Variants in CACNA1E observed in about 807,000 individuals in gnomAD.
CACNA1E encodes voltage-dependent R-type calcium channel subunit alpha-1E.
In CACNA1E, 40 loss-of-function variants were observed where a neutral mutation model predicts 259.2. That is an observed-to-expected ratio of 0.15 (90% confidence interval 0.12 to 0.20). The LOEUF is 0.20. Among genes scored for constraint, CACNA1E ranks in the 10% least tolerant of loss-of-function variants. The pLI is 1.00. For synonymous variants in CACNA1E, 1,104 were observed against 1,138.5 expected, an observed-to-expected ratio of 0.97 and a Z score of 0.61; for missense variants, 1,874 against 3,040.1, an observed-to-expected ratio of 0.62 and a Z score of 9.02.
chr1:181,730,520 G>A (rs887290940), intron 18 of CACNA1E, among the ~76,000 whole-genome samples: 1 of 152,234 alleles, frequency 6.6e-6, no homozygotes, highest in Non-Finnish European at 1.5e-5. Context: ...ACTCTGCTCT[G>A]CCCAGGTGAA....
chr1:181,351,189 G>T (rs769629274), intron 1 of CACNA1E, among the ~76,000 whole-genome samples: 1 of 152,218 alleles, frequency 6.6e-6, no homozygotes, highest in Non-Finnish European at 1.5e-5. Context: ...AGGACGGGTA[G>T]GTCTGAGCTC....
At chr1:181,350,239 C>T (rs989750547) in intron 1 of CACNA1E, among the ~76,000 whole-genome samples, 1 of 152,228 alleles carries the variant, frequency 6.6e-6, no homozygotes, top group Non-Finnish European at 1.5e-5. Context: ...TTCTTCTTCT[C>T]TTGATCTGTC....
rs573187265 is a variant in CACNA1E at position 181,771,261 on chromosome 1, G to A, written c.4882-32G>A. 5 of 1,233,518 alleles carry A rather than the reference G, an allele frequency of 4.1e-6. No individual in the cohort carries two copies. In the African/African-American group the frequency reaches 6.0e-5, roughly 15 times the overall value. 76.4% of individuals were successfully genotyped at this position (1,233,518 alleles called of 1,614,324 possible). The stretch of plus-strand genomic sequence containing the variant: ...TGGACACATCACACAGCTTGGTAAT[G>A]CTCACTGTTTTCTGTTGTTTCTCTC... On this transcript the variant is annotated intron_variant, in intron 35 of 47. Transcript: ENST00000367573.
At chr1:181,751,018 G>C (rs1020144651) in intron 26 of CACNA1E, among the ~76,000 whole-genome samples, 1 of 152,100 alleles carries the variant, frequency 6.6e-6, no homozygotes, top group Non-Finnish European at 1.5e-5. Context: ...GAAGGTCAGG[G>C]GGAAAGCAGC....
chr1:181,471,120 A>G (rs1402242448), intron 2 of CACNA1E, among the ~76,000 whole-genome samples: 1 of 152,176 alleles, frequency 6.6e-6, no homozygotes, highest in African/African-American at 2.4e-5. Flanking sequence ...GCTGATGGAC[A>G]AAAAGGGCCT....
Position 181,798,699 on chromosome 1 carries a change from C to T in CACNA1E, c.6807C>T (p.Ala2269=). The T allele has an allele frequency of 6.2e-7, 1 of 1,609,374 alleles. No individual in the cohort carries two copies. Among genetic ancestry groups the T allele is most frequent in the Middle Eastern group, 1.7e-4 (1 of 6,054 alleles). Residue 2269 remains alanine (A), a synonymous_variant, in exon 48 of 48, where the codon GCC becomes GCT. Transcript: ENST00000367573. This position sits in a 1 kb window ranked among gnomAD's most constrained non-coding sequence, Gnocchi z 4.2. ...SLGRSNTIGS[A]PPLRHSWQMP... Reference sequence around the variant, plus strand: ...GCCGTTCCAACACCATCGGCTCAGCCCCACCCCTGCGGCATAGCTGGCAGA... The same window carrying T: ...GCCGTTCCAACACCATCGGCTCAGCTCCACCCCTGCGGCATAGCTGGCAGA...
At chr1:181,405,250 A>C (rs1657381346) in intron 1 of CACNA1E, among the ~76,000 whole-genome samples, 1 of 152,252 alleles carries the variant, frequency 6.6e-6, no homozygotes. Flanking sequence ...GGAGATCCCC[A>C]GTGCTACTGG....
chr1:181,717,339 T>A (rs1355485284), intron 11 of CACNA1E, 37 bp downstream of exon 11: 2 of 1,541,250 alleles, frequency 1.3e-6, no homozygotes, highest in East Asian at 4.5e-5. Context: ...CCTCTGCTGG[T>A]CCCCATGTGG....
At chr1:181,736,764 A>G (rs932511474) in intron 22 of CACNA1E, among the ~76,000 whole-genome samples, 13 of 152,208 alleles carry the variant, frequency 8.5e-5, no homozygotes, top group Non-Finnish European at 1.3e-4. Context: ...TTTGCCACCA[A>G]ATATTCCAGA....
chr1:181,615,344 C>T (rs552133564), intron 6 of CACNA1E, among the ~76,000 whole-genome samples: 1 of 152,260 alleles, frequency 6.6e-6, no homozygotes, highest in South Asian at 2.1e-4. Context: ...CACCTGCCAC[C>T]ACGCCTGGCT....
chr1:181,341,298 G>A (rs1166541880), intron 1 of CACNA1E, among the ~76,000 whole-genome samples: 1 of 152,212 alleles, frequency 6.6e-6, no homozygotes, highest in Non-Finnish European at 1.5e-5. Context: ...TCTGGTGCTG[G>A]CTTCTGCTGC....
At chr1:181,755,533 A>G (rs1658015069) in intron 28 of CACNA1E, 136 bp downstream of exon 28, 1 of 730,444 alleles carries the variant, frequency 1.4e-6, no homozygotes, top group Non-Finnish European at 2.3e-6. Flanking sequence ...GACAAAATGG[A>G]ATCAATAAAC....
At chr1:181,416,119 A>G (rs1427544871) in intron 2 of CACNA1E, among the ~76,000 whole-genome samples, 1 of 152,112 alleles carries the variant, frequency 6.6e-6, no homozygotes, top group Non-Finnish European at 1.5e-5. Context: ...AAGTCCTTGG[A>G]CATGCTCAGT....
At chr1:181,726,616 C>G (rs1654928894) in intron 18 of CACNA1E, among the ~76,000 whole-genome samples, 1 of 152,156 alleles carries the variant, frequency 6.6e-6, no homozygotes, top group South Asian at 2.1e-4. Context: ...GGGCAGGGGC[C>G]AACTCGGAGG....
chr1:181,443,422 T>C (rs1477048439), intron 2 of CACNA1E, among the ~76,000 whole-genome samples: 1 of 152,214 alleles, frequency 6.6e-6, no homozygotes, highest in East Asian at 1.9e-4. Flanking sequence ...CGATAAGAGA[T>C]CAGAAAATGT....
intron 6 of CACNA1E, among the ~76,000 whole-genome samples, chr1:181,589,605 G>T (rs943706441): frequency 6.6e-6 from 1 of 152,156 alleles, no homozygotes; most frequent in Non-Finnish European, 1.5e-5. Flanking sequence ...TGTAGTCCCA[G>T]CTACCTGGAA....
intron 1 of CACNA1E, among the ~76,000 whole-genome samples, chr1:181,379,098 C>T (rs532175921): frequency 3.0e-4 from 45 of 152,056 alleles, no homozygotes; most frequent in East Asian, 1.4e-3. Context: ...GTATTAAATA[C>T]GTTCAAAAAG....
At position 181,798,865 on chromosome 1, in the gene CACNA1E, C is replaced by T. The variant is rs779605398; in HGVS notation, c.*31C>T. 2 of 1,478,574 alleles carry T rather than the reference C, an allele frequency of 1.4e-6. No homozygotes were observed. 91.6% of individuals were successfully genotyped at this position (1,478,574 alleles called of 1,614,324 possible). On this transcript the variant is annotated 3_prime_UTR_variant, in exon 48 of 48. Coordinates refer to ENST00000367573, the MANE Select transcript of CACNA1E (RefSeq NM_001205293.3). The surrounding 1 kb of genome is among the most constrained non-coding windows in gnomAD (Gnocchi z 4.2). Reference sequence around the variant, plus strand: ...GCTCCCCCCTCCGATGCATGCTCTTCTCTCACATGGAGAAAACCAAGACAG... The same window carrying T: ...GCTCCCCCCTCCGATGCATGCTCTTTTCTCACATGGAGAAAACCAAGACAG...
intron 2 of CACNA1E, among the ~76,000 whole-genome samples, chr1:181,476,963 C>T (rs1662897700): frequency 6.6e-6 from 1 of 152,132 alleles, no homozygotes; most frequent in African/African-American, 2.4e-5. Context: ...AATCAACTTT[C>T]CCAATAAAGC....
Sources: allele counts gnomAD v4.1 joint callset (sites outside exome capture counted in the v4.1 genomes callset), GRCh38; gene constraint gnomAD v4.1.1; non-coding constraint Gnocchi (gnomAD v3.1); transcripts MANE v1.5; gene names NCBI Gene and HGNC (gene_info 2026-07-23, HGNC 2026-07-21).